Variants in FREM2 observed in about 807,000 individuals in gnomAD.
FREM2 encodes the protein FRAS1-related extracellular matrix protein 2.
A neutral mutation model predicts 219.9 loss-of-function variants in FREM2; 119 were observed. The observed-to-expected ratio is 0.54, with a 90% CI of 0.47 to 0.63. The LOEUF is 0.63. Ranked by LOEUF, FREM2 falls within the 30% of genes least tolerant of loss-of-function variation. The pLI, the probability that FREM2 is intolerant of heterozygous loss-of-function variation, is 0.00. For synonymous variants in FREM2, 1,562 were observed against 1,522.8 expected (o/e 1.03, Z -0.60); for missense variants, 4,030 against 3,993.6 (o/e 1.01, Z -0.25).
chr13:38,884,307 C>T lies in FREM2; in HGVS notation c.*3520C>T, dbSNP rs1878655637. ...GTCAACATTAAAAATGTAAATGGAC[C>T]TGTGTAAATATCACAGAGAGCTTTT... is the stretch of plus-strand genomic sequence containing the variant. On this transcript the variant is annotated 3_prime_UTR_variant, in exon 24 of 24. Transcript: ENST00000280481. The T allele has an allele frequency of 6.6e-6, 1 of 152,152 alleles. No homozygotes were observed. Among genetic ancestry groups the T allele is most frequent in the South Asian group, 2.1e-4 (1 of 4,832 alleles). 9.4% of individuals were successfully genotyped at this position (152,152 alleles called of 1,614,324 possible). A position where few individuals can be genotyped will look rare whatever the true frequency, so the allele number is the denominator to read the frequency against.
intron 6 of FREM2, among the ~76,000 whole-genome samples, chr13:38,810,088 G>C (rs1015012524): frequency 7.3e-5 from 11 of 151,706 alleles, no homozygotes; most frequent in African/African-American, 2.7e-4. Flanking sequence ...TGTGGCTATT[G>C]TAAATGAAAT....
At chr13:38,755,313 C>A (rs748882530) in intron 2 of FREM2, among the ~76,000 whole-genome samples, 1 of 152,116 alleles carries the variant, frequency 6.6e-6, no homozygotes, top group Non-Finnish European at 1.5e-5. Context: ...CAGCTATGCC[C>A]AACTCCCCCA....
chr13:38,786,693 A>G (rs1030815274), intron 6 of FREM2, among the ~76,000 whole-genome samples: 1 of 152,200 alleles, frequency 6.6e-6, no homozygotes, highest in Non-Finnish European at 1.5e-5. Context: ...TGGCAAAAAA[A>G]TCTTTCCTGT....
At chr13:38,692,749 A>T (rs930294929) in intron 1 of FREM2, among the ~76,000 whole-genome samples, 2 of 152,174 alleles carry the variant, frequency 1.3e-5, no homozygotes, top group Admixed American at 6.5e-5. Context: ...AGTGGCAAGG[A>T]TAGGCTGCCG....
intron 2 of FREM2, among the ~76,000 whole-genome samples, chr13:38,741,522 T>A (rs1373838662): frequency 6.6e-6 from 1 of 152,162 alleles, no homozygotes; most frequent in African/African-American, 2.4e-5. Context: ...CAGCCCTCAA[T>A]TCAGGGTGCA....
At chr13:38,824,383 G>A (rs185612755) in intron 6 of FREM2, among the ~76,000 whole-genome samples, 167 of 152,166 alleles carry the variant, frequency 1.1e-3, no homozygotes, top group Non-Finnish European at 1.9e-3. Context: ...TCCTCATAAC[G>A]TAACAGCCTG....
chr13:38,791,023 A>G (rs1874538444), intron 6 of FREM2, among the ~76,000 whole-genome samples: 1 of 152,186 alleles, frequency 6.6e-6, no homozygotes, highest in Non-Finnish European at 1.5e-5. Flanking sequence ...AAAGGACAAG[A>G]GCACTTGGCA....
intron 6 of FREM2, among the ~76,000 whole-genome samples, chr13:38,839,713 G>T (rs760729139): frequency 6.6e-6 from 1 of 152,132 alleles, no homozygotes; most frequent in African/African-American, 2.4e-5. Context: ...GCTGTGATGG[G>T]CTCCACCCAG....
intron 6 of FREM2, among the ~76,000 whole-genome samples, chr13:38,813,561 C>CTG (rs1193755856): frequency 1.8e-4 from 1 of 5,570 alleles, no homozygotes; most frequent in Admixed American, 2.9e-3. Flanking sequence ...CTCTCTCTCT[C>CTG]TCTATATATA....
At chr13:38,779,567 A>G (rs34084434) in intron 4 of FREM2, 3 of 152,130 alleles carry the variant, frequency 2.0e-5, no homozygotes, top group Non-Finnish European at 4.4e-5. Context: ...TTGCTGATAC[A>G]CAAGTAAAAA....
At position 38,872,898 on chromosome 13, in the gene FREM2, G is replaced by A; in HGVS notation, c.8140G>A (p.Asp2714Asn). The A allele has an allele frequency of 6.2e-7, 1 of 1,613,996 alleles. No individual in the cohort carries two copies. The highest frequency in any genetic ancestry group is 8.5e-7 in the Non-Finnish European group (1 of 1,179,920). ...FVYDTAILWNDGIGSPPEAEL... is the reference protein window; with the variant it reads ...FVYDTAILWNNGIGSPPEAEL... ...GTACGACACCGCCATCTTGTGGAAT[G>A]ATGGAATTGGCAGCCCCCCAGAGGC... The change falls in exon 17 of 24, where the codon GAT becomes AAT. Residue 2714 changes from aspartate (D) to asparagine (N), a missense_variant. Asp to Asn is a conservative substitution (Grantham distance 23). This residue lies in a region of FREM2 where 928 missense variants were observed against 1,042.9 expected (regional missense o/e 0.89). Coordinates refer to ENST00000280481, the MANE Select transcript of FREM2 (RefSeq NM_207361.6).
At chr13:38,819,781 G>C (rs1021591874) in intron 6 of FREM2, among the ~76,000 whole-genome samples, 1 of 152,102 alleles carries the variant, frequency 6.6e-6, no homozygotes, top group Non-Finnish European at 1.5e-5. Context: ...TTTATCATCT[G>C]TGAGTGGTTG....
At chr13:38,779,908 C>G (rs965109355) in intron 4 of FREM2, among the ~76,000 whole-genome samples, 2 of 152,180 alleles carry the variant, frequency 1.3e-5, no homozygotes, top group Non-Finnish European at 2.9e-5. Flanking sequence ...GCCCACACTC[C>G]TCTGGTTGTC....
At chr13:38,854,320 C>G (rs1478423245) in intron 11 of FREM2, among the ~76,000 whole-genome samples, 1 of 151,866 alleles carries the variant, frequency 6.6e-6, no homozygotes, top group African/African-American at 2.4e-5. Context: ...TTGTATAACT[C>G]AAGGCATCAC....
chr13:38,708,291 C>G (rs1870620344), intron 2 of FREM2, among the ~76,000 whole-genome samples: 1 of 152,140 alleles, frequency 6.6e-6, no homozygotes, highest in African/African-American at 2.4e-5. Context: ...TCTAATGGAT[C>G]TCTTTGTCTC....
At chr13:38,708,930 T>G (rs1870649199) in intron 2 of FREM2, among the ~76,000 whole-genome samples, 1 of 152,072 alleles carries the variant, frequency 6.6e-6, no homozygotes, top group South Asian at 2.1e-4. Context: ...CAGATAATTT[T>G]TGTATTTTTA....
At chr13:38,860,429 A>G (rs561896526) in intron 14 of FREM2, among the ~76,000 whole-genome samples, 24 of 152,330 alleles carry the variant, frequency 1.6e-4, no homozygotes, top group Admixed American at 6.5e-4. Flanking sequence ...ACGGTTGTAT[A>G]TATTTGATTC....
intron 2 of FREM2, among the ~76,000 whole-genome samples, chr13:38,726,958 A>G (rs1364835976): frequency 6.6e-6 from 1 of 152,234 alleles, no homozygotes; most frequent in Non-Finnish European, 1.5e-5. Flanking sequence ...AGGTACTTTA[A>G]TTAAATTGGT....
chr13:38,872,944 G>A lies in FREM2; in HGVS notation c.8176+10G>A, dbSNP rs780120568. 4 of 1,612,036 alleles carry A rather than the reference G, an allele frequency of 2.5e-6. No individual in the cohort carries two copies. Among genetic ancestry groups the A allele is most frequent in the African/African-American group, 2.7e-5 (2 of 74,868 alleles). ...GAGGCTGAACTTCAAGGTGAGTTCA[G>A]AAGACTTGGAAAATTCTATAGTTTT... On this transcript the variant is annotated intron_variant, in intron 17 of 23. Coordinates refer to ENST00000280481, the MANE Select transcript of FREM2 (RefSeq NM_207361.6).
Sources: gnomAD v4.1 joint callset for allele counts (sites outside exome capture counted in the v4.1 genomes callset) on GRCh38, gnomAD v4.1.1 for gene constraint, gnomAD v4.1.1 regional missense constraint, MANE v1.5 for transcripts, NCBI Gene and HGNC (gene_info 2026-07-23, HGNC 2026-07-21) for gene names.